RP1: variants seen among roughly 807,000 people sequenced by gnomAD.
RP1 encodes oxygen-regulated protein 1.
In RP1, 16 loss-of-function variants were observed where a neutral mutation model predicts 14.8. That is an observed-to-expected ratio of 1.08 (90% CI 0.73 to 1.65). RP1 has a LOEUF of 1.65. RP1 is among the 40% of genes most tolerant of loss of function. The pLI is 0.00. For synonymous variants in RP1, 876 were observed against 883.6 expected (o/e 0.99, Z 0.15); for missense variants, 2,631 against 2,535.0 (o/e 1.04, Z -0.81).
chr8:54,772,318 A>T (rs1809929003), downstream of RP1, among the ~76,000 whole-genome samples: 2 of 152,066 alleles, frequency 1.3e-5, no homozygotes. Context: ...CCAGCCACAT[A>T]ATAAACCCCC....
intron 1 of RP1, among the ~76,000 whole-genome samples, chr8:54,583,045 G>C (rs896091890): frequency 2.6e-5 from 4 of 152,162 alleles, no homozygotes; most frequent in Non-Finnish European, 5.9e-5. Context: ...TGTTGAATAG[G>C]AGTGGTGAGA....
intron 25 of RP1, among the ~76,000 whole-genome samples, chr8:54,839,228 G>A (rs980194221): frequency 6.6e-6 from 1 of 152,060 alleles, no homozygotes; most frequent in East Asian, 1.9e-4. Flanking sequence ...AACTTCTATT[G>A]TTAATTCTAC....
Position 54,621,584 on chromosome 8 carries a change from G to A in RP1, c.615+3G>A, listed in dbSNP as rs199632605. On this transcript the variant is annotated splice_donor_region_variant and intron_variant, in intron 2 of 3. Transcript: ENST00000220676. ...TGTACGCTACGGACGGAAGGAGGGT[G>A]AGCGTTCTGGGGGCTCCTCGAGCCT... 3.8e-4 allele frequency: 621 copies of A among 1,614,138 alleles called. 1 individual carries two copies. The highest frequency in any genetic ancestry group is 1.5e-3 in the Middle Eastern group (9 of 6,058).
intron 19 of RP1, among the ~76,000 whole-genome samples, chr8:54,748,634 A>G: frequency 6.6e-6 from 1 of 152,200 alleles, no homozygotes; most frequent in East Asian, 1.9e-4. Context: ...TTCCGTATGA[A>G]CACATTTAAA....
exon 25 of RP1, chr8:54,837,542 A>C: frequency 8.1e-7 from 1 of 1,231,772 alleles, no homozygotes; most frequent in East Asian, 3.2e-5. Context: ...AAGAAGTTAG[A>C]CTTGAAAATA....
At chr8:54,633,733 C>CTATATATATATATATATATA (rs1461408412), downstream of RP1, among the ~76,000 whole-genome samples, 1 of 130,132 alleles carries the variant, frequency 7.7e-6, no homozygotes, top group African/African-American at 3.1e-5. Flanking sequence ...CTCTCTCTCT[C>CTATATATATATATATATATA]TCTCTATATA....
chr8:54,719,285 A>G (rs1808480190), intron 15 of RP1, among the ~76,000 whole-genome samples: 1 of 152,236 alleles, frequency 6.6e-6, no homozygotes. Context: ...ATGCAAGGCC[A>G]GAATCTTATT....
At chr8:54,581,443 G>A (rs1181874510) in intron 1 of RP1, among the ~76,000 whole-genome samples, 2 of 152,158 alleles carry the variant, frequency 1.3e-5, no homozygotes, top group African/African-American at 2.4e-5. Flanking sequence ...CTTTGCTATT[G>A]TGAATAGTGC....
chr8:54,837,358 TA>T (rs5891554), intron 24 of RP1: 152,017 of 477,898 alleles, frequency 0.32, 24,826 homozygotes, highest in South Asian at 0.37. Flanking sequence ...GTATTTATGA[TA>T]AAAAAGTAAG....
In RP1 at chr8:54,628,278, G is replaced by A. The variant is rs749524329; in HGVS notation, c.4396G>A (p.Glu1466Lys). The A allele has an allele frequency of 6.2e-7, 1 of 1,613,872 alleles. No homozygotes were observed. The highest frequency in any genetic ancestry group is 1.1e-5 in the South Asian group (1 of 91,064). The change falls in exon 4 of 4, where the codon GAA becomes AAA. Residue 1466 changes from glutamate to lysine, a missense_variant. Transcript: ENST00000220676. ...TSSERNISELESFEELENHDT... is the reference protein window; with the variant it reads ...TSSERNISELKSFEELENHDT... ...AAGTGAAAGAAACATTTCAGAATTG[G>A]AATCTTTTGAAGAATTAGAAAACCA...
intron 15 of RP1, among the ~76,000 whole-genome samples, chr8:54,719,822 A>G (rs923517765): frequency 1.3e-5 from 2 of 152,242 alleles, no homozygotes; most frequent in African/African-American, 2.4e-5. Context: ...TTCTACATTC[A>G]CCCATAGAGG....
chr8:54,826,312 G>C (rs1228435250), intron 24 of RP1, among the ~76,000 whole-genome samples: 1 of 152,178 alleles, frequency 6.6e-6, no homozygotes, highest in African/African-American at 2.4e-5. Flanking sequence ...GAATAATGTA[G>C]ATGGCTGTGC....
chr8:54,771,303 T>C (rs147054097), downstream of RP1, among the ~76,000 whole-genome samples: 1,019 of 152,068 alleles, frequency 6.7e-3, 18 homozygotes, highest in African/African-American at 0.023. Context: ...GAAATGACAT[T>C]CTAAGTAGAA....
At chr8:54,772,919 A>G (rs940650876), downstream of RP1, among the ~76,000 whole-genome samples, 2 of 152,070 alleles carry the variant, frequency 1.3e-5, no homozygotes, top group South Asian at 4.1e-4. Context: ...GATGTTTTTA[A>G]TTGTCAGGGG....
chr8:54,740,702 A>T (rs967520853), intron 19 of RP1, among the ~76,000 whole-genome samples: 10 of 151,936 alleles, frequency 6.6e-5, no homozygotes, highest in Non-Finnish European at 1.3e-4. Context: ...AGCCTGGGCG[A>T]CAAAGCGAGA....
chr8:54,844,742 T>A (rs1811873582), intron 25 of RP1, among the ~76,000 whole-genome samples: 1 of 152,220 alleles, frequency 6.6e-6, no homozygotes, highest in South Asian at 2.1e-4. Context: ...ACATTAGGGA[T>A]ACAGCTGGAA....
chr8:54,607,942 C>T (rs1458071173), intron 1 of RP1, among the ~76,000 whole-genome samples: 1 of 152,104 alleles, frequency 6.6e-6, no homozygotes, highest in African/African-American at 2.4e-5. Context: ...TGCTGTCTGT[C>T]ACCTCTTTCT....
chr8:54,651,547 G>A (rs1192710019), intron 4 of RP1, among the ~76,000 whole-genome samples: 1 of 151,722 alleles, frequency 6.6e-6, no homozygotes, highest in Non-Finnish European at 1.5e-5. Context: ...TAATTTGTTG[G>A]CATACTATTG....
intron 16 of RP1, among the ~76,000 whole-genome samples, chr8:54,722,282 G>A (rs1392765394): frequency 6.8e-6 from 1 of 147,360 alleles, no homozygotes; most frequent in Non-Finnish European, 1.5e-5. Context: ...TTTTGTGTGT[G>A]TGTGTGTGTG....
Sources: allele counts gnomAD v4.1 joint callset (sites outside exome capture counted in the v4.1 genomes callset), GRCh38; gene constraint gnomAD v4.1.1; transcripts MANE v1.5; gene names NCBI Gene and HGNC (gene_info 2026-07-23, HGNC 2026-07-21).